REC114: variants seen among roughly 807,000 people sequenced by gnomAD.
REC114 encodes the protein REC114 meiotic recombination protein.
A neutral mutation model predicts 31.3 loss-of-function variants in REC114; 27 were observed. That is an observed-to-expected ratio of 0.86 (90% CI 0.64 to 1.19). REC114 has a LOEUF of 1.19. REC114 is among the 50% of genes most tolerant of loss of function. The pLI is 0.00. For missense variants in REC114, 344 were observed against 326.9 expected (o/e 1.05, Z -0.40); for synonymous variants, 134 against 127.7 (o/e 1.05, Z -0.33).
chr15:73,532,126 C>A (rs1231473969), intron 2 of REC114, among the ~76,000 whole-genome samples: 1 of 151,076 alleles, frequency 6.6e-6, no homozygotes, highest in African/African-American at 2.4e-5. Flanking sequence ...CGATGCTATC[C>A]CTCCCCCCTC....
chr15:73,496,276 C>T (rs1033899109), intron 2 of REC114, among the ~76,000 whole-genome samples: 1 of 140,438 alleles, frequency 7.1e-6, no homozygotes, highest in African/African-American at 2.8e-5. Context: ...TGCTTGAACC[C>T]GGGAGGCAGA....
intron 1 of REC114, among the ~76,000 whole-genome samples, chr15:73,449,922 A>G (rs1207583833): frequency 6.6e-6 from 1 of 152,220 alleles, no homozygotes; most frequent in Non-Finnish European, 1.5e-5. Context: ...AAGGAGAAAT[A>G]AAATCCTTTA....
chr15:73,559,452 C>G (rs1158822418), intron 5 of REC114, among the ~76,000 whole-genome samples: 3 of 152,144 alleles, frequency 2.0e-5, no homozygotes, highest in Non-Finnish European at 2.9e-5. Flanking sequence ...GTTATCAGCA[C>G]AGTATTCTTC....
intron 2 of REC114, among the ~76,000 whole-genome samples, chr15:73,502,177 A>G (rs973077904): frequency 6.6e-6 from 1 of 152,090 alleles, no homozygotes; most frequent in Admixed American, 6.5e-5. Context: ...AAATGACAGA[A>G]TGCCAGGAAT....
At chr15:73,445,557 A>C (rs551814097) in intron 1 of REC114, among the ~76,000 whole-genome samples, 22 of 152,266 alleles carry the variant, frequency 1.4e-4, no homozygotes, top group African/African-American at 5.1e-4. Flanking sequence ...ACTAAGCTTA[A>C]TCATTTCTAG....
Position 73,443,170 on chromosome 15 carries a change from T to C in REC114, c.-16T>C. ...TTGGCAGGTCCCCGCCGGCAGTGCG[T>C]GTGGTGAGGCAGGACATGGCGGAGG... On this transcript the variant is annotated 5_prime_UTR_variant, in exon 1 of 6. Coordinates refer to ENST00000331090, the MANE Select transcript of REC114 (RefSeq NM_001042367.2). 6.5e-7 allele frequency: 1 copy of C among 1,547,852 alleles called. No homozygotes were observed. The highest frequency in any genetic ancestry group is 8.7e-7 in the Non-Finnish European group (1 of 1,148,992).
intron 1 of REC114, among the ~76,000 whole-genome samples, chr15:73,467,115 A>G (rs1194994474): frequency 6.6e-6 from 1 of 152,240 alleles, no homozygotes; most frequent in African/African-American, 2.4e-5. Flanking sequence ...ACTTATATGT[A>G]GACAACAATT....
intron 2 of REC114, among the ~76,000 whole-genome samples, chr15:73,539,452 G>A (rs893331027): frequency 5.8e-5 from 8 of 138,672 alleles, no homozygotes; most frequent in African/African-American, 1.9e-4. Flanking sequence ...CACCACGCCC[G>A]GCTACTTTTT....
intron 1 of REC114, among the ~76,000 whole-genome samples, chr15:73,465,914 C>T (rs565194852): frequency 1.2e-4 from 19 of 152,226 alleles, no homozygotes; most frequent in African/African-American, 3.6e-4. Context: ...TGCAGTGGCG[C>T]GATCTCAGCT....
chr15:73,495,591 T>C (rs1353373994), intron 2 of REC114, among the ~76,000 whole-genome samples: 1 of 152,010 alleles, frequency 6.6e-6, no homozygotes, highest in Non-Finnish European at 1.5e-5. Context: ...ATTTATCATC[T>C]TATCAAATTA....
At chr15:73,480,293 T>C (rs930654203) in intron 2 of REC114, among the ~76,000 whole-genome samples, 1 of 151,750 alleles carries the variant, frequency 6.6e-6, no homozygotes, top group Non-Finnish European at 1.5e-5. Flanking sequence ...TTTTTTGAAA[T>C]GGAGTTTCGT....
Position 73,473,874 on chromosome 15 carries a change from A to G in REC114, c.202A>G (p.Ile68Val), listed in dbSNP as rs765569759. The G allele has an allele frequency of 3.8e-6, 6 of 1,589,044 alleles. No homozygotes were observed. The highest frequency in any genetic ancestry group is 2.3e-5 in the South Asian group (2 of 87,650). The change falls in exon 2 of 6, where the codon ATA becomes GTA. Residue 68 changes from isoleucine to valine, a missense_variant. Coordinates refer to ENST00000331090, the MANE Select transcript of REC114 (RefSeq NM_001042367.2). ...NEESGYLVLT[I>V]VISGHFFIFQ... ...AGAATCTGGATATCTTGTTCTCACC[A>G]TAGTTATATCAGGTCATTTCTTCAT...
intron 2 of REC114, among the ~76,000 whole-genome samples, chr15:73,504,998 T>A (rs1472103945): frequency 2.6e-5 from 4 of 152,230 alleles, no homozygotes; most frequent in Non-Finnish European, 4.4e-5. Flanking sequence ...CATGTTCCTC[T>A]AGTCCTCTGT....
intron 1 of REC114, among the ~76,000 whole-genome samples, chr15:73,460,560 T>G (rs994073928): frequency 3.9e-5 from 6 of 152,228 alleles, no homozygotes; most frequent in African/African-American, 1.4e-4. Flanking sequence ...GGAACTGTTA[T>G]GAGCTTAAGT....
At chr15:73,485,335 G>C (rs551391263) in intron 2 of REC114, among the ~76,000 whole-genome samples, 1 of 152,256 alleles carries the variant, frequency 6.6e-6, no homozygotes, top group Non-Finnish European at 1.5e-5. Context: ...GCCTGCTTCA[G>C]CCTCCCAAAG....
rs575969839 is a variant in REC114, at chr15:73,465,148, T to G, written c.160-8684T>G. On this transcript the variant is annotated intron_variant, in intron 1 of 5. Coordinates refer to ENST00000331090, the MANE Select transcript of REC114 (RefSeq NM_001042367.2). ...CTCATGTGATCTGCCTGCTTCGGCC[T>G]CCCAAAGTGCTGGGCTTACAGGTGT... Among the ~76,000 whole-genome samples the G allele has an allele frequency of 2.0e-5, 3 of 152,300 alleles. No individual in the cohort carries two copies. In the East Asian group the frequency reaches 5.8e-4, roughly 29 times the overall value.
At chr15:73,483,727 G>A (rs1022638408) in intron 2 of REC114, 41 of 152,384 alleles carry the variant, frequency 2.7e-4, no homozygotes, top group African/African-American at 9.2e-4. Context: ...GGGATGGTCT[G>A]GTGGTCTTTG....
intron 1 of REC114, among the ~76,000 whole-genome samples, chr15:73,463,679 G>A (rs1893019344): frequency 6.6e-6 from 1 of 152,102 alleles, no homozygotes. Context: ...AACTTAGCTG[G>A]GTATGGTGGC....
chr15:73,546,424 T>C (rs1332429530), intron 3 of REC114, among the ~76,000 whole-genome samples: 1 of 152,146 alleles, frequency 6.6e-6, no homozygotes, highest in Non-Finnish European at 1.5e-5. Context: ...CTTTGTGGTT[T>C]ATAATAGGAA....
Sources: gnomAD v4.1 joint callset for allele counts (sites outside exome capture counted in the v4.1 genomes callset) on GRCh38, gnomAD v4.1.1 for gene constraint, MANE v1.5 for transcripts, NCBI Gene and HGNC (gene_info 2026-07-23, HGNC 2026-07-21) for gene names.